The following SMARCA5 variants were observed in gnomAD, a reference collection of about 807,000 sequenced individuals.
SMARCA5 encodes SWI/SNF-related matrix-associated actin-dependent regulator of chromatin subfamily A member 5.
Under a neutral mutation model 140.4 loss-of-function variants are expected in SMARCA5, and 18 were observed. The ratio of observed to expected loss-of-function variants is 0.13; its 90% CI spans 0.09 to 0.19. SMARCA5 has a LOEUF of 0.19. Among genes scored for constraint, SMARCA5 ranks in the 10% least tolerant of loss-of-function variants. The pLI is 1.00. For missense variants in SMARCA5, 606 were observed against 1,276.8 expected, an observed-to-expected ratio of 0.47 and a Z score of 8.01; for synonymous variants, 449 against 419.6, an observed-to-expected ratio of 1.07 and a Z score of -0.86.
chr4:143,539,628 C>A (rs1295270971), intron 13 of SMARCA5, among the ~76,000 whole-genome samples: 2 of 151,804 alleles, frequency 1.3e-5, no homozygotes, highest in African/African-American at 2.4e-5. Flanking sequence ...CCTTTGCCTC[C>A]CAGGTTGAAG....
At chr4:143,544,341 T>C (rs1000466912) in intron 16 of SMARCA5, 1 of 174,930 alleles carries the variant, frequency 5.7e-6, no homozygotes, top group African/African-American at 2.4e-5. Flanking sequence ...TAGAGATAAA[T>C]TGAAAAATAC....
Position 143,517,285 on chromosome 4 carries a change from G to T in SMARCA5, c.178-70G>T, listed in dbSNP as rs138555422. ...TATTATTTAAGATGTGTTTTGGTCA[G>T]AAATTGGTCTATAATGGTATGTTTA... On this transcript the variant is annotated intron_variant, in intron 1 of 23. Transcript: ENST00000283131. 7.2e-5 allele frequency: 79 copies of T among 1,093,286 alleles called. No homozygotes were observed. The African/African-American group carries it at 1.2e-3, about 16-fold the overall frequency. The allele number at this position is 1,093,286 out of a possible 1,614,324, so 67.7% of individuals were successfully genotyped here.
At chr4:143,514,956 A>G (rs1736796988) in intron 1 of SMARCA5, among the ~76,000 whole-genome samples, 1 of 152,178 alleles carries the variant, frequency 6.6e-6, no homozygotes, top group African/African-American at 2.4e-5. Flanking sequence ...GGGGCTGGAA[A>G]GATGGGGGAA....
At position 143,513,765 on chromosome 4, in the gene SMARCA5, G is replaced by C; in HGVS notation, c.-160G>C. The C allele has an allele frequency of 1.3e-6, 1 of 769,816 alleles. No individual in the cohort carries two copies. The highest frequency in any genetic ancestry group is 2.0e-6 in the Non-Finnish European group (1 of 493,738). 47.7% of individuals were successfully genotyped at this position (769,816 alleles called of 1,614,324 possible). A position where few individuals can be genotyped will look rare whatever the true frequency, so the allele number is the denominator to read the frequency against. On this transcript the variant is annotated 5_prime_UTR_variant, in exon 1 of 24. Coordinates refer to ENST00000283131, the MANE Select transcript of SMARCA5 (RefSeq NM_003601.4). ...TTGGGAGTGTGCAGCTCCTGGGCCCGGCTCAGGCCCGTCGCGGAGGCGCGG... is the reference window on the plus strand; with the variant it reads ...TTGGGAGTGTGCAGCTCCTGGGCCCCGCTCAGGCCCGTCGCGGAGGCGCGG...
intron 23 of SMARCA5, among the ~76,000 whole-genome samples, chr4:143,551,833 A>G (rs1254268332): frequency 2.6e-5 from 4 of 152,166 alleles, no homozygotes; most frequent in African/African-American, 4.8e-5. Flanking sequence ...CTATAAGTTA[A>G]GTCAGGTAAT....
At chr4:143,547,551 C>A in intron 21 of SMARCA5, 48 bp downstream of exon 21, 2 of 968,460 alleles carry the variant, frequency 2.1e-6, no homozygotes, top group Non-Finnish European at 3.3e-6. Context: ...TAACTCCTAG[C>A]TGTGAGTATG....
At position 143,548,325 on chromosome 4, in the gene SMARCA5, G is replaced by A. The variant is rs910122363; in HGVS notation, c.2985+185G>A. On this transcript the variant is annotated intron_variant, in intron 22 of 23. Coordinates refer to ENST00000283131, the MANE Select transcript of SMARCA5 (RefSeq NM_003601.4). ...TTGGTCCTATCCTTTAGTATCTTAC[G>A]TCTTTAAATATCACTATATGATAAG... 2.6e-5 allele frequency: 11 copies of A among 427,856 alleles called. 1 individual carries two copies. The South Asian group carries it at 3.0e-4, about 12-fold the overall frequency. 26.5% of individuals were successfully genotyped at this position (427,856 alleles called of 1,614,324 possible). A position where few individuals can be genotyped will look rare whatever the true frequency, so the allele number is the denominator to read the frequency against.
rs1175823902 is a variant in SMARCA5, at chr4:143,513,949, C to G, written c.25C>G (p.Pro9Ala). Residue 9 changes from proline to alanine, a missense_variant, in exon 1 of 24, where the codon CCA (proline) becomes GCA (alanine). Transcript: ENST00000283131. ...CATGTCGTCCGCGGCCGAGCCTCCG[C>G]CACCCCCGCCTCCCGAGAGCGCGCC... MSSAAEPP[P>A]PPPPESAPSK... is the part of the protein sequence containing the mutation. 3 of 1,548,820 alleles carry G rather than the reference C, an allele frequency of 1.9e-6. No individual in the cohort carries two copies. The East Asian group carries it at 7.2e-5, about 37-fold the overall frequency.
chr4:143,530,670 T>A (rs1384469270), intron 9 of SMARCA5, 144 bp downstream of exon 9: 1 of 571,406 alleles, frequency 1.8e-6, no homozygotes, highest in African/African-American at 1.9e-5. Flanking sequence ...AACTCTTACA[T>A]CTTACAATCA....
In SMARCA5 at chr4:143,513,804, T is replaced by G; in HGVS notation, c.-121T>G. ...GCGGAGGCGCGGCGCAGGGGAGCGCTCGGGTGGGAGTCTCGCTCCTCCACC... is the reference window on the plus strand; with the variant it reads ...GCGGAGGCGCGGCGCAGGGGAGCGCGCGGGTGGGAGTCTCGCTCCTCCACC... On this transcript the variant is annotated 5_prime_UTR_variant, in exon 1 of 24. Transcript: ENST00000283131. The G allele has an allele frequency of 1.7e-6, 2 of 1,182,656 alleles. No individual in the cohort carries two copies. Among genetic ancestry groups the G allele is most frequent in the Non-Finnish European group, 2.3e-6 (2 of 858,316 alleles). 73.3% of individuals were successfully genotyped at this position (1,182,656 alleles called of 1,614,324 possible). A position where few individuals can be genotyped will look rare whatever the true frequency, so the allele number is the denominator to read the frequency against.
At chr4:143,550,225 C>CTTTTT (rs70953739) in intron 23 of SMARCA5, 121 bp downstream of exon 23, 89 of 215,500 alleles carry the variant, frequency 4.1e-4, no homozygotes, top group Non-Finnish European at 5.1e-4. Flanking sequence ...ATTGCCTTTA[C>CTTTTT]TTTTTTTTTT....
intron 6 of SMARCA5, 102 bp downstream of exon 6, chr4:143,526,562 C>T (rs886319685): frequency 1.8e-5 from 13 of 738,710 alleles, no homozygotes; most frequent in Middle Eastern, 3.7e-4. Context: ...ACGGGATCTT[C>T]GCAAATATTA....
chr4:143,522,291 T>C (rs140806465), intron 3 of SMARCA5, among the ~76,000 whole-genome samples: 5 of 152,334 alleles, frequency 3.3e-5, no homozygotes, highest in African/African-American at 1.2e-4. Context: ...AAATAATTCT[T>C]ACATGTTGAA....
Position 143,513,855 on chromosome 4 carries a change from C to T in SMARCA5, c.-70C>T. On this transcript the variant is annotated 5_prime_UTR_variant, in exon 1 of 24. Transcript: ENST00000283131. ...AGTTTATTGCGACGTAGCATCCAGGCCTAGGCCTCCCCGTCCATCCCCGCC... is the reference window on the plus strand; with the variant it reads ...AGTTTATTGCGACGTAGCATCCAGGTCTAGGCCTCCCCGTCCATCCCCGCC... The T allele has an allele frequency of 6.7e-7, 1 of 1,491,672 alleles. No individual in the cohort carries two copies. Among genetic ancestry groups the T allele is most frequent in the Non-Finnish European group, 9.0e-7 (1 of 1,115,354 alleles). 92.4% of individuals were successfully genotyped at this position (1,491,672 alleles called of 1,614,324 possible).
chr4:143,538,729 AG>A lies in SMARCA5; in HGVS notation c.1617+21del. On this transcript the variant is annotated intron_variant, in intron 12 of 23. Coordinates refer to ENST00000283131, the MANE Select transcript of SMARCA5 (RefSeq NM_003601.4). ...AGAGACAAGTGAGTAAAATTTGGGGAGGGAGATAAAAAAGAATCAGATAAAT... is the reference window on the plus strand; with the variant it reads ...AGAGACAAGTGAGTAAAATTTGGGGAGGAGATAAAAAAGAATCAGATAAAT... 6.2e-7 allele frequency: 1 copy of A among 1,613,700 alleles called. No individual in the cohort carries two copies. Among genetic ancestry groups the A allele is most frequent in the Non-Finnish European group, 8.5e-7 (1 of 1,179,756 alleles).
In SMARCA5 at chr4:143,514,090, G is replaced by T. The variant is rs929530863; in HGVS notation, c.166G>T (p.Ala56Ser). Residue 56 changes from alanine (A) to serine (S), a missense_variant, in exon 1 of 24, where the codon GCC (alanine) becomes TCC (serine). This residue lies in a region of SMARCA5 where 164 missense variants were observed against 128.4 expected (regional missense o/e 1.28). Coordinates refer to ENST00000283131, the MANE Select transcript of SMARCA5 (RefSeq NM_003601.4). ...TGCGGCCAGCGCTGGTCCCGCAGAC[G>T]CCGAGATGGAGGTGAGGGCGACTTG... ...ASAASAGPAD[A>S]EMEEIFDDAS... The T allele has an allele frequency of 5.7e-5, 88 of 1,550,142 alleles. No individual in the cohort carries two copies. The highest frequency in any genetic ancestry group is 7.0e-5 in the Non-Finnish European group (81 of 1,156,200).
chr4:143,528,495 G>T, intron 7 of SMARCA5, 88 bp from the exon 8 acceptor site: 1 of 1,125,168 alleles, frequency 8.9e-7, no homozygotes, highest in Non-Finnish European at 1.3e-6. Flanking sequence ...ATCATTGTTG[G>T]GCATTTGTGT....
At chr4:143,527,335 CTAGT>C (rs1344380779) in intron 6 of SMARCA5, among the ~76,000 whole-genome samples, 4 of 152,068 alleles carry the variant, frequency 2.6e-5, no homozygotes, top group Admixed American at 6.6e-5. Flanking sequence ...CTCTCCCTTT[CTAGT>C]TATGTTGGAT....
intron 4 of SMARCA5, 79 bp downstream of exon 4, chr4:143,524,546 C>A: frequency 2.3e-6 from 2 of 888,424 alleles, no homozygotes; most frequent in Non-Finnish European, 3.5e-6. Flanking sequence ...TTTGTGTTGG[C>A]TACTATTTGT....
Sources: gnomAD v4.1 joint callset for allele counts (sites outside exome capture counted in the v4.1 genomes callset) on GRCh38, gnomAD v4.1.1 for gene constraint, gnomAD v4.1.1 regional missense constraint, MANE v1.5 for transcripts, NCBI Gene and HGNC (gene_info 2026-07-23, HGNC 2026-07-21) for gene names.